SPRY3: variants seen among roughly 807,000 people sequenced by gnomAD.
SPRY3 encodes the protein protein sprouty homolog 3.
A neutral mutation model predicts 20.2 loss-of-function variants in SPRY3; 15 were observed. That is an observed-to-expected ratio of 0.74 (90% confidence interval 0.50 to 1.14). The LOEUF is 1.14. Ranked by LOEUF, SPRY3 falls within the 50% of genes most tolerant of loss-of-function variation. The pLI, the probability that SPRY3 is intolerant of heterozygous loss-of-function variation, is 0.00. For missense variants in SPRY3, 364 were observed against 363.9 expected, an observed-to-expected ratio of 1.00 and a Z score of 0.00; for synonymous variants, 143 against 136.5, an observed-to-expected ratio of 1.05 and a Z score of -0.33.
At chrX:155,767,746 G>GAGGAGGAGAGAGAGGAGGAGT (rs2091348408) in intron 2 of SPRY3, 13 of 142,314 alleles carry the variant, frequency 9.1e-5, no homozygotes, top group Admixed American at 1.4e-4. Flanking sequence ...GAGAGAGGAG[G>GAGGAGGAGAGAGAGGAGGAGT]AGGAGGAGAG....
chrX:155,620,340 C>G (rs2067867376), intron 1 of SPRY3, among the ~76,000 whole-genome samples: 1 of 111,494 alleles, frequency 9.0e-6, no homozygotes, highest in South Asian at 3.7e-4. Flanking sequence ...TAATACCACT[C>G]CTAAGTATTT....
In SPRY3 at chrX:155,635,681, T is replaced by C. The variant is rs782518425; in HGVS notation, c.-440-21186T>C. Among the ~76,000 whole-genome samples the C allele has an allele frequency of 7.2e-5, 8 of 111,534 alleles. No individual in the cohort carries two copies. In the South Asian group the frequency reaches 3.1e-3, roughly 43 times the overall value. On this transcript the variant is annotated intron_variant, in intron 1 of 3. Transcript: ENST00000675360. The stretch of plus-strand genomic sequence containing the variant: ...TAATGAGATATCATCTCACACCAGA[T>C]AGAATGGAGATCATTAAAAAGTCAG...
intron 2 of SPRY3, among the ~76,000 whole-genome samples, chrX:155,752,437 G>T (rs2091268053): frequency 6.6e-6 from 1 of 151,602 alleles, no homozygotes; most frequent in Non-Finnish European, 1.5e-5. Flanking sequence ...GCAAAGCATG[G>T]AGTATTATAA....
exon 4 of SPRY3, chrX:155,775,765 C>T (rs767685974): frequency 1.5e-4 from 25 of 167,148 alleles, no homozygotes; most frequent in African/African-American, 5.3e-4. Context: ...CAAAGGCAGA[C>T]GTGCTTTATA....
chrX:155,709,655 C>T (rs1569382016), intron 2 of SPRY3, among the ~76,000 whole-genome samples: 1 of 151,766 alleles, frequency 6.6e-6, no homozygotes, highest in Non-Finnish European at 1.5e-5. Flanking sequence ...TGTGCAGTAG[C>T]TCTTTAACTT....
intron 2 of SPRY3, among the ~76,000 whole-genome samples, chrX:155,739,057 G>T (rs1043327035): frequency 6.6e-6 from 1 of 152,156 alleles, no homozygotes; most frequent in African/African-American, 2.4e-5. Flanking sequence ...TTGAGTTCCT[G>T]GGGGGAGGGG....
chrX:155,782,140 T>G, exon 2 of SPRY3: 1 of 167,130 alleles, frequency 6.0e-6, no homozygotes. Context: ...TGAAAGGCAT[T>G]ACCCATGGAA....
chrX:155,624,658 A>G (rs1343082684), intron 1 of SPRY3, among the ~76,000 whole-genome samples: 1 of 111,189 alleles, frequency 9.0e-6, no homozygotes, highest in Non-Finnish European at 1.9e-5. Context: ...ATAATGTAGT[A>G]TTTTCACTGA....
At chrX:155,635,408 G>T (rs1292531644) in intron 1 of SPRY3, among the ~76,000 whole-genome samples, 1 of 111,522 alleles carries the variant, frequency 9.0e-6, no homozygotes, top group African/African-American at 3.3e-5. Context: ...ACCCAGTAAT[G>T]GGATTGCTGG....
downstream of SPRY3, chrX:155,779,555 G>A (rs1192427804): frequency 1.2e-5 from 2 of 166,890 alleles, no homozygotes; most frequent in Non-Finnish European, 2.9e-5. Flanking sequence ...ATATAAAAAG[G>A]AATTTCATAT....
At chrX:155,643,775 CT>C (rs781844730) in intron 1 of SPRY3, among the ~76,000 whole-genome samples, 4 of 112,119 alleles carry the variant, frequency 3.6e-5, no homozygotes, top group Non-Finnish European at 3.8e-5. Context: ...CTTTATTCCC[CT>C]GCTTTTAAAT....
chrX:155,705,716 G>A (rs1338310984), intron 2 of SPRY3, among the ~76,000 whole-genome samples: 1 of 151,262 alleles, frequency 6.6e-6, no homozygotes, highest in Non-Finnish European at 1.5e-5. Flanking sequence ...GAATAGCTAT[G>A]CTAATATTAG....
chrX:155,745,355 A>G (rs1248470612), intron 2 of SPRY3, among the ~76,000 whole-genome samples: 3 of 152,092 alleles, frequency 2.0e-5, no homozygotes, highest in African/African-American at 7.2e-5. Flanking sequence ...TGAGGAGCCC[A>G]TAAGGCTGGG....
Position 155,692,471 on chromosome X carries a change from C to G in SPRY3, c.-282+35446C>G, listed in dbSNP as rs763489690. On this transcript the variant is annotated intron_variant, in intron 2 of 3. Transcript: ENST00000675360. ...AAGGCTAACTTAAGCCCTGTAATTT[C>G]TCTAATATTGTTTATATTTTAAAAA... Among the ~76,000 whole-genome samples the G allele has an allele frequency of 4.5e-5, 5 of 111,269 alleles. No individual in the cohort carries two copies. In the South Asian group the frequency reaches 1.9e-3, roughly 42 times the overall value.
chrX:155,771,277 T>TCCCA (rs2091379663), intron 3 of SPRY3, among the ~76,000 whole-genome samples: 1 of 152,190 alleles, frequency 6.6e-6, no homozygotes, highest in African/African-American at 2.4e-5. Flanking sequence ...TTATTGTTTC[T>TCCCA]GAGTCATTTA....
intron 2 of SPRY3, among the ~76,000 whole-genome samples, chrX:155,673,620 GC>G (rs782157439): frequency 6.3e-5 from 7 of 111,886 alleles, no homozygotes; most frequent in African/African-American, 1.9e-4. Context: ...AGCTTTACAA[GC>G]CCCCCTCTTA....
At chrX:155,665,160 A>C (rs1190508256) in intron 2 of SPRY3, among the ~76,000 whole-genome samples, 2 of 110,637 alleles carry the variant, frequency 1.8e-5, no homozygotes, top group Non-Finnish European at 3.8e-5. Context: ...TCAACCTCAC[A>C]GAGGTTGCAT....
At chrX:155,747,129 T>C (rs2124578612) in intron 2 of SPRY3, among the ~76,000 whole-genome samples, 1 of 152,028 alleles carries the variant, frequency 6.6e-6, no homozygotes, top group South Asian at 2.1e-4. Flanking sequence ...GATTCAAAAT[T>C]AATTTTCCTT....
chrX:155,617,847 A>G (rs1323457131), intron 1 of SPRY3, among the ~76,000 whole-genome samples: 3 of 111,997 alleles, frequency 2.7e-5, no homozygotes, highest in East Asian at 2.8e-4. Context: ...TTATGGTCAT[A>G]TATTTCTTTG....
Sources: gnomAD v4.1 joint callset for allele counts (sites outside exome capture counted in the v4.1 genomes callset) on GRCh38, gnomAD v4.1.1 for gene constraint, MANE v1.5 for transcripts, NCBI Gene and HGNC (gene_info 2026-07-23, HGNC 2026-07-21) for gene names.